The following NRG1 variants were observed in gnomAD, a reference collection of about 807,000 sequenced individuals.
NRG1 encodes neuregulin 1.
Under a neutral mutation model 63.8 loss-of-function variants are expected in NRG1, and 18 were observed. The observed-to-expected ratio is 0.28, with a 90% CI of 0.19 to 0.42. The LOEUF (loss-of-function observed/expected upper bound fraction) is 0.42. NRG1 is among the 10% of genes least tolerant of loss of function. The pLI is 1.00. For missense variants in NRG1, 762 were observed against 814.7 expected (o/e 0.94, Z 0.79); for synonymous variants, 302 against 301.3 (o/e 1.00, Z -0.02).
intron 1 of NRG1, among the ~76,000 whole-genome samples, chr8:31,642,691 C>A (rs1081064): frequency 0.28 from 41,865 of 152,018 alleles, 6,118 homozygotes; most frequent in African/African-American, 0.35. Flanking sequence ...AGCTGGAGAT[C>A]TTTTTGCATG....
At chr8:32,668,171 T>G (rs1804713171) in intron 5 of NRG1, among the ~76,000 whole-genome samples, 2 of 150,634 alleles carry the variant, frequency 1.3e-5, no homozygotes, top group Non-Finnish European at 2.9e-5. Flanking sequence ...CGAGATCTCA[T>G]GACTGCACTC....
At chr8:32,347,615 T>A (rs1462796541) in intron 1 of NRG1, among the ~76,000 whole-genome samples, 2 of 152,206 alleles carry the variant, frequency 1.3e-5, no homozygotes, top group African/African-American at 4.8e-5. Context: ...CCATGGACTT[T>A]GAAAACATGA....
intron 1 of NRG1, among the ~76,000 whole-genome samples, chr8:31,965,448 C>T (rs1393655087): frequency 6.6e-6 from 1 of 152,092 alleles, no homozygotes; most frequent in African/African-American, 2.4e-5. Flanking sequence ...GTCTTGAATT[C>T]CCAACCTCAT....
intron 1 of NRG1, among the ~76,000 whole-genome samples, chr8:32,399,171 A>G (rs754869083): frequency 6.6e-6 from 1 of 152,140 alleles, no homozygotes; most frequent in African/African-American, 2.4e-5. Flanking sequence ...AGTCCCTCCT[A>G]TTGAGGAAGG....
At chr8:32,576,903 C>T (rs913819111) in intron 1 of NRG1, among the ~76,000 whole-genome samples, 14 of 151,982 alleles carry the variant, frequency 9.2e-5, no homozygotes, top group African/African-American at 1.9e-4. Context: ...GTTTAGGGTA[C>T]GAATGATCCC....
At chr8:32,246,047 A>C (rs998669999) in intron 1 of NRG1, among the ~76,000 whole-genome samples, 1 of 152,142 alleles carries the variant, frequency 6.6e-6, no homozygotes, top group Non-Finnish European at 1.5e-5. Flanking sequence ...CCAATATTTC[A>C]TGCAAACAAG....
At chr8:32,754,422 A>G (rs778488862) in exon 8 of NRG1, 1 of 1,613,934 alleles carries the variant, frequency 6.2e-7, no homozygotes, top group Admixed American at 1.7e-5. Flanking sequence ...CGGCATCTGC[A>G]TCGCCCTCCT....
intron 5 of NRG1, among the ~76,000 whole-genome samples, chr8:32,665,302 A>C (rs1803857034): frequency 6.6e-6 from 1 of 152,160 alleles, no homozygotes; most frequent in Non-Finnish European, 1.5e-5. Flanking sequence ...GTGCTGCTAC[A>C]TGTGTATTCT....
At chr8:31,897,604 G>T (rs1044419835) in intron 1 of NRG1, among the ~76,000 whole-genome samples, 2 of 152,044 alleles carry the variant, frequency 1.3e-5, no homozygotes, top group African/African-American at 4.8e-5. Context: ...CTACCTGGAG[G>T]CTTCTTCTGC....
At chr8:32,344,602 A>ATTTTTTTTTTTTTTTTTTTT (rs61448713) in intron 1 of NRG1, among the ~76,000 whole-genome samples, 4 of 101,184 alleles carry the variant, frequency 4.0e-5, no homozygotes, top group African/African-American at 1.3e-4. Context: ...ACACTCAGCT[A>ATTTTTTTTTTTTTTTTTTTT]TTTTTTTTTT....
At chr8:32,260,654 G>A (rs754827794) in intron 1 of NRG1, among the ~76,000 whole-genome samples, 1 of 152,046 alleles carries the variant, frequency 6.6e-6, no homozygotes, top group Non-Finnish European at 1.5e-5. Context: ...GTCCTTCCAG[G>A]GCCCTGCCCC....
chr8:32,705,164 G>A (rs564562825), intron 5 of NRG1, among the ~76,000 whole-genome samples: 35 of 144,528 alleles, frequency 2.4e-4, no homozygotes, highest in African/African-American at 4.1e-4. Flanking sequence ...ACGGAGTCTC[G>A]CTGTGTCGCC....
intron 1 of NRG1, among the ~76,000 whole-genome samples, chr8:32,033,314 T>C (rs1818562986): frequency 6.6e-6 from 1 of 152,134 alleles, no homozygotes; most frequent in South Asian, 2.1e-4. Flanking sequence ...TATGTGTCTG[T>C]TTTTGTACTA....
chr8:32,361,811 A>G lies in NRG1; in HGVS notation c.38-234017A>G, dbSNP rs557167150. Among the ~76,000 whole-genome samples the G allele has an allele frequency of 3.3e-5, 5 of 152,338 alleles. No individual in the cohort carries two copies. The South Asian group carries it at 1.0e-3, about 32-fold the overall frequency. ...TGGCCACCCAGGCGCATGTGGCCTC[A>G]GTAATACACAGTTTTTGAGCTTCAT... On this transcript the variant is annotated intron_variant, in intron 1 of 10. Transcript: ENST00000519301.
chr8:32,377,907 G>A (rs550169060), intron 1 of NRG1, among the ~76,000 whole-genome samples: 9 of 152,264 alleles, frequency 5.9e-5, no homozygotes, highest in Middle Eastern at 3.4e-3. Flanking sequence ...AGTACCTGGC[G>A]TAATACCTAG....
chr8:32,155,202 C>T lies in NRG1; in HGVS notation c.38-440626C>T, dbSNP rs565061267. 3.3e-5 allele frequency among the ~76,000 whole-genome samples: 5 copies of T among 152,262 alleles called. No homozygotes were observed. The South Asian group carries it at 8.3e-4, about 25-fold the overall frequency. ...AATGTGAGACTAAGAGTCAAGACAC[C>T]TGGGTTCTAGTCACAAATCTGTTAC... On this transcript the variant is annotated intron_variant, in intron 1 of 10. Coordinates refer to the NRG1 transcript ENST00000519301.
chr8:31,889,113 C>T (rs75562938), intron 1 of NRG1, among the ~76,000 whole-genome samples: 18,434 of 152,086 alleles, frequency 0.12, 1,266 homozygotes, highest in Admixed American at 0.19. Flanking sequence ...AGAAACTGAA[C>T]TGAAAAGATT....
chr8:31,689,059 T>C (rs1370541876), intron 1 of NRG1, among the ~76,000 whole-genome samples: 1 of 152,198 alleles, frequency 6.6e-6, no homozygotes, highest in African/African-American at 2.4e-5. Context: ...TCTTCAAATC[T>C]CTATCTAACT....
chr8:31,724,064 A>G (rs775154431), intron 1 of NRG1, among the ~76,000 whole-genome samples: 14 of 152,136 alleles, frequency 9.2e-5, no homozygotes, highest in Non-Finnish European at 2.1e-4. Context: ...AATAAAAGTG[A>G]ATTGATAATG....
Sources: gnomAD v4.1 joint callset for allele counts (sites outside exome capture counted in the v4.1 genomes callset) on GRCh38, gnomAD v4.1.1 for gene constraint, MANE v1.5 for transcripts, NCBI Gene and HGNC (gene_info 2026-07-23, HGNC 2026-07-21) for gene names.